FRMD4B: variants seen among roughly 807,000 people sequenced by gnomAD.
The protein encoded by FRMD4B is FERM domain containing 4B.
Under a neutral mutation model 141.5 loss-of-function variants are expected in FRMD4B, and 74 were observed. The observed-to-expected ratio is 0.52, with a 90% CI of 0.43 to 0.63. FRMD4B has a LOEUF of 0.63. FRMD4B is among the 30% of genes least tolerant of loss of function. The probability of loss-of-function intolerance (pLI) is 0.00; values close to 1 mark genes in which losing one functional copy is unlikely to be tolerated. For missense variants in FRMD4B, 1,366 were observed against 1,253.4 expected, an observed-to-expected ratio of 1.09 and a Z score of -1.36; for synonymous variants, 506 against 467.9, an observed-to-expected ratio of 1.08 and a Z score of -1.05.
At chr3:69,408,603 G>T (rs1344108088) in intron 2 of FRMD4B, among the ~76,000 whole-genome samples, 1 of 152,162 alleles carries the variant, frequency 6.6e-6, no homozygotes, top group Non-Finnish European at 1.5e-5. Flanking sequence ...ACAGGAAAAT[G>T]ATATCATAAA....
rs1575807216 is a variant in FRMD4B, at chr3:69,453,537, C to T, written c.-128-20776G>A. 1.3e-5 allele frequency among the ~76,000 whole-genome samples: 2 copies of T among 152,316 alleles called. 1 individual carries two copies. The highest frequency in any genetic ancestry group is 4.1e-4 in the South Asian group (2 of 4,828). ...CTGGAGCTAGCCAAACTCTGGCTCT[C>T]AAAGCTGCTAGGGCTATCAGAGTTG... On this transcript the variant is annotated intron_variant, in intron 1 of 5. Transcript: ENST00000459638.
intron 5 of FRMD4B, among the ~76,000 whole-genome samples, chr3:69,264,581 C>G (rs2093548829): frequency 6.6e-6 from 1 of 152,052 alleles, no homozygotes; most frequent in Non-Finnish European, 1.5e-5. Context: ...CATACCTAGA[C>G]AGCAATTCTA....
intron 1 of FRMD4B, among the ~76,000 whole-genome samples, chr3:69,372,536 G>A (rs574658147): frequency 1.4e-4 from 22 of 152,238 alleles, no homozygotes; most frequent in Admixed American, 2.6e-4. Flanking sequence ...GTGGTGGCAC[G>A]CACCTGTAAT....
At chr3:69,292,022 T>C (rs1225212520) in intron 4 of FRMD4B, among the ~76,000 whole-genome samples, 1 of 152,030 alleles carries the variant, frequency 6.6e-6, no homozygotes, top group East Asian at 1.9e-4. Context: ...TGTCAAGTCT[T>C]CTTCTTTAGG....
At chr3:69,395,805 T>C (rs997401787) in intron 2 of FRMD4B, among the ~76,000 whole-genome samples, 2 of 152,140 alleles carry the variant, frequency 1.3e-5, no homozygotes, top group Admixed American at 6.5e-5. Flanking sequence ...GAGAAAATAG[T>C]TATGTATTCC....
intron 11 of FRMD4B, among the ~76,000 whole-genome samples, chr3:69,206,349 CA>C (rs748008773): frequency 3.3e-5 from 5 of 151,832 alleles, no homozygotes; most frequent in African/African-American, 9.7e-5. Flanking sequence ...CACTCCATCT[CA>C]AAAAAACAAA....
chr3:69,339,493 G>C (rs944180826), intron 1 of FRMD4B, among the ~76,000 whole-genome samples: 6 of 152,146 alleles, frequency 3.9e-5, no homozygotes, highest in African/African-American at 1.4e-4. Flanking sequence ...AGGAGAATTC[G>C]TGGAAAGCAC....
chr3:69,443,641 G>T (rs1705370771), intron 1 of FRMD4B, among the ~76,000 whole-genome samples: 1 of 152,180 alleles, frequency 6.6e-6, no homozygotes, highest in Non-Finnish European at 1.5e-5. Flanking sequence ...GACAGTAAGA[G>T]AAATCTGACA....
chr3:69,439,598 A>C (rs914042435), intron 1 of FRMD4B, among the ~76,000 whole-genome samples: 1 of 152,184 alleles, frequency 6.6e-6, no homozygotes, highest in Non-Finnish European at 1.5e-5. Flanking sequence ...CCTTTGAGAA[A>C]TGCTGCTGAT....
In FRMD4B at chr3:69,386,042, C is replaced by A. The variant is rs1289505546; in HGVS notation, c.-53G>T. 1.4e-6 allele frequency: 2 copies of A among 1,404,886 alleles called. No individual in the cohort carries two copies. The highest frequency in any genetic ancestry group is 1.9e-6 in the Non-Finnish European group (2 of 1,063,264). 87.0% of individuals were successfully genotyped at this position (1,404,886 alleles called of 1,614,324 possible). ...GTCCCGGCTCTCGTACGTGCAGCCC[C>A]GACCCCAGCGGCCTGCCCGCCTGGG... On this transcript the variant is annotated 5_prime_UTR_variant, in exon 1 of 23. Coordinates refer to ENST00000398540, the MANE Select transcript of FRMD4B (RefSeq NM_015123.3).
At chr3:69,175,775 T>C (rs922453752) in intron 22 of FRMD4B, among the ~76,000 whole-genome samples, 6 of 131,430 alleles carry the variant, frequency 4.6e-5, no homozygotes, top group South Asian at 2.4e-4. Context: ...TTCTCTTTTT[T>C]TTTTTTTTTT....
intron 1 of FRMD4B, among the ~76,000 whole-genome samples, chr3:69,507,854 T>G (rs912790249): frequency 2.0e-5 from 3 of 152,008 alleles, no homozygotes; most frequent in African/African-American, 4.8e-5. Context: ...AAAAATAGGT[T>G]TTTTTTTCAG....
intron 1 of FRMD4B, among the ~76,000 whole-genome samples, chr3:69,458,849 TAAAAAAAAAA>T (rs35229515): frequency 1.2e-5 from 1 of 82,172 alleles, no homozygotes; most frequent in Non-Finnish European, 2.3e-5. Flanking sequence ...ATGGGCTGCT[TAAAAAAAAAA>T]AAAAAAAAAA....
chr3:69,193,739 C>A lies in FRMD4B; in HGVS notation c.1623G>T (p.Ala541=). The part of the protein sequence containing the change: ...KKKRKQDYTD[A]MKKLQEIENA... ...TTTCAATCTCCTGAAGCTTTTTCAT[C>A]GCATCTGTGTAATCTTGCTTTCGCT... The change falls in exon 17 of 23, where the codon GCG becomes GCT. Residue 541 remains alanine, a synonymous_variant. Coordinates refer to ENST00000398540, the MANE Select transcript of FRMD4B (RefSeq NM_015123.3). 6.2e-7 allele frequency: 1 copy of A among 1,613,578 alleles called. No homozygotes were observed. The highest frequency in any genetic ancestry group is 8.5e-7 in the Non-Finnish European group (1 of 1,179,506).
intron 2 of FRMD4B, among the ~76,000 whole-genome samples, chr3:69,414,400 T>A (rs190408396): frequency 2.6e-5 from 4 of 152,204 alleles, no homozygotes; most frequent in African/African-American, 9.6e-5. Flanking sequence ...TTTTTACAAA[T>A]CTATACTATG....
At chr3:69,360,816 A>T (rs1322952682) in intron 1 of FRMD4B, among the ~76,000 whole-genome samples, 1 of 152,210 alleles carries the variant, frequency 6.6e-6, no homozygotes, top group African/African-American at 2.4e-5. Flanking sequence ...TTTCATTAGA[A>T]GAGCCATTTC....
intron 7 of FRMD4B, among the ~76,000 whole-genome samples, chr3:69,225,096 T>C (rs1034617904): frequency 2.6e-5 from 4 of 152,192 alleles, no homozygotes; most frequent in Admixed American, 1.3e-4. Context: ...TCAACAATTT[T>C]TCGTAATAGA....
chr3:69,313,614 G>A (rs896416123), intron 1 of FRMD4B, 97 bp from the exon 2 acceptor site: 20 of 730,562 alleles, frequency 2.7e-5, no homozygotes, highest in Non-Finnish European at 4.6e-5. Context: ...GATGGGCTCA[G>A]CCTAAAAATG....
intron 5 of FRMD4B, among the ~76,000 whole-genome samples, chr3:69,261,301 G>A (rs1395077086): frequency 6.6e-6 from 1 of 152,152 alleles, no homozygotes; most frequent in Non-Finnish European, 1.5e-5. Flanking sequence ...TTTAAGAACT[G>A]TAACACTTAT....
Sources: gnomAD v4.1 joint callset for allele counts (sites outside exome capture counted in the v4.1 genomes callset) on GRCh38, gnomAD v4.1.1 for gene constraint, MANE v1.5 for transcripts, NCBI Gene and HGNC (gene_info 2026-07-23, HGNC 2026-07-21) for gene names.